The following LHX2 variants were observed in gnomAD, a reference collection of about 807,000 sequenced individuals.
LHX2 encodes the protein LIM/homeobox protein Lhx2.
A neutral mutation model predicts 33.0 loss-of-function variants in LHX2; 6 were observed. The observed-to-expected ratio is 0.18, with a 90% CI of 0.10 to 0.36. The LOEUF (loss-of-function observed/expected upper bound fraction) is 0.36. Among genes scored for constraint, LHX2 ranks in the 10% least tolerant of loss-of-function variants. The probability of loss-of-function intolerance (pLI) is 1.00; values close to 1 mark genes in which losing one functional copy is unlikely to be tolerated. For synonymous variants in LHX2, 292 were observed against 253.1 expected, an observed-to-expected ratio of 1.15 and a Z score of -1.46; for missense variants, 442 against 586.2, an observed-to-expected ratio of 0.75 and a Z score of 2.54.
rs1324987801 is a variant in LHX2, at chr9:124,012,407, G to A, written c.59G>A (p.Arg20His). ...EVHGVIDEMD[R>H]RAKSEAPAIS... ...CACGGGGTCATCGACGAGATGGACCGCAGGGCCAAGAGCGAGGCTCCCGCC... is the reference window on the plus strand; with the variant it reads ...CACGGGGTCATCGACGAGATGGACCACAGGGCCAAGAGCGAGGCTCCCGCC... Residue 20 changes from arginine (R) to histidine (H), a missense_variant, in exon 1 of 5, where the codon CGC (arginine) becomes CAC (histidine). Around this residue, in one of 5 missense-constraint regions of LHX2, gnomAD observed 97 missense variants for 81.5 expected, o/e 1.19. Transcript: ENST00000373615. This position sits in a 1 kb window ranked among gnomAD's most constrained non-coding sequence, Gnocchi z 4.3. 1 of 1,534,446 alleles carries A rather than the reference G, an allele frequency of 6.5e-7. No homozygotes were observed. The highest frequency in any genetic ancestry group is 8.7e-7 in the Non-Finnish European group (1 of 1,145,788).
chr9:124,014,290 C>T lies in LHX2; in HGVS notation c.323+127C>T, dbSNP rs1859147622. 3.2e-6 allele frequency: 2 copies of T among 625,620 alleles called. No homozygotes were observed. The highest frequency in any genetic ancestry group is 6.0e-6 in the Non-Finnish European group (2 of 335,588). 38.8% of individuals were successfully genotyped at this position (625,620 alleles called of 1,614,324 possible). On this transcript the variant is annotated intron_variant, in intron 2 of 4. Transcript: ENST00000373615. The surrounding 1 kb of genome is among the most constrained non-coding windows in gnomAD (Gnocchi z 4.8). The stretch of plus-strand genomic sequence containing the variant: ...TCACTACTCAGGACTCCCCCGCTCC[C>T]CCCCCAAGTTCTCCAAGCCACCACA...
chr9:124,027,817 CAAA>C (rs1276253267), intron 4 of LHX2, among the ~76,000 whole-genome samples: 1 of 148,626 alleles, frequency 6.7e-6, no homozygotes, highest in African/African-American at 2.5e-5. Flanking sequence ...GACTTCATCT[CAAA>C]AAAAAAGATG....
chr9:124,021,056 C>T (rs1564550434), intron 3 of LHX2, 43 bp from the exon 4 acceptor site: 3 of 1,575,396 alleles, frequency 1.9e-6, no homozygotes, highest in East Asian at 2.2e-5. Context: ...GCATGGGGGG[C>T]GGGTCAGGAA....
intron 3 of LHX2, among the ~76,000 whole-genome samples, chr9:124,019,242 A>G (rs144301652): frequency 0.016 from 2,472 of 152,268 alleles, 32 homozygotes; most frequent in African/African-American, 0.041. Context: ...TAGGAGGTGT[A>G]GCCCCTAGCT....
Position 124,015,498 on chromosome 9 carries a change from G to C in LHX2, c.700G>C (p.Gly234Arg). 6.8e-7 allele frequency: 1 copy of C among 1,473,252 alleles called. No homozygotes were observed. Among genetic ancestry groups the C allele is most frequent in the Non-Finnish European group, 9.0e-7 (1 of 1,112,282 alleles). 91.3% of individuals were successfully genotyped at this position (1,473,252 alleles called of 1,614,324 possible). ...GAGGAAACGTAAGAGCCCGGGCCCC[G>C]GTGCGGATCTGGCGGCCTACAACGC... is the stretch of plus-strand genomic sequence containing the variant. ...RPRKRKSPGP[G>R]ADLAAYNAAL... Residue 234 changes from glycine (G) to arginine (R), a missense_variant, in exon 3 of 5, where the codon GGT becomes CGT. Around this residue, in one of 5 missense-constraint regions of LHX2, gnomAD observed 132 missense variants for 139.1 expected, o/e 0.95. Transcript: ENST00000373615. The surrounding 1 kb of genome is among the most constrained non-coding windows in gnomAD (Gnocchi z 7.9).
intron 3 of LHX2, among the ~76,000 whole-genome samples, chr9:124,018,796 C>T (rs979641346): frequency 3.3e-5 from 5 of 152,196 alleles, no homozygotes; most frequent in African/African-American, 1.2e-4. Context: ...TCCCTACCCC[C>T]TCTCTCTTTC....
chr9:124,026,552 G>A (rs1378901115), intron 4 of LHX2, among the ~76,000 whole-genome samples: 2 of 151,978 alleles, frequency 1.3e-5, no homozygotes, highest in African/African-American at 4.8e-5. Flanking sequence ...CAATTGACAA[G>A]GTGCCAAGAT....
At chr9:124,019,949 C>A (rs961636836) in intron 3 of LHX2, among the ~76,000 whole-genome samples, 4 of 152,184 alleles carry the variant, frequency 2.6e-5, no homozygotes, top group Non-Finnish European at 5.9e-5. Context: ...CACCCATATT[C>A]CCCACCCCCA....
chr9:124,015,026 G>A lies in LHX2; in HGVS notation c.324-96G>A, dbSNP rs917447339. ...AGGCCGGGTTGTTCGTCTTGAGGAG[G>A]GGATTGCCCCCCGCAGCAGCAGCGG... On this transcript the variant is annotated intron_variant, in intron 2 of 4. Coordinates refer to ENST00000373615, the MANE Select transcript of LHX2 (RefSeq NM_004789.4). This position sits in a 1 kb window ranked among gnomAD's most constrained non-coding sequence, Gnocchi z 7.9. The A allele has an allele frequency of 3.5e-6, 5 of 1,424,142 alleles. No homozygotes were observed. In the South Asian group the frequency reaches 5.1e-5, roughly 14 times the overall value. 88.2% of individuals were successfully genotyped at this position (1,424,142 alleles called of 1,614,324 possible).
In LHX2 at chr9:124,012,813, C is replaced by T. The variant is rs111292833; in HGVS notation, c.120+345C>T. Among the ~76,000 whole-genome samples the T allele has an allele frequency of 2.6e-5, 4 of 152,318 alleles. No individual in the cohort carries two copies. The highest frequency in any genetic ancestry group is 9.6e-5 in the African/African-American group (4 of 41,584). ...CGCGCTCTCCTCCACCTCTCGGCTC[C>T]GGTTGCTGGCGGCGCCGCGAGCGGC... On this transcript the variant is annotated intron_variant, in intron 1 of 4. Coordinates refer to ENST00000373615, the MANE Select transcript of LHX2 (RefSeq NM_004789.4). The surrounding 1 kb of genome is among the most constrained non-coding windows in gnomAD (Gnocchi z 4.3).
intron 4 of LHX2, among the ~76,000 whole-genome samples, chr9:124,023,502 G>T (rs529948437): frequency 6.6e-6 from 1 of 152,280 alleles, no homozygotes; most frequent in Admixed American, 6.5e-5. Flanking sequence ...GGGTTCACTG[G>T]CTGTGTGTCT....
chr9:124,020,993 A>G, intron 3 of LHX2, 106 bp from the exon 4 acceptor site: 2 of 963,080 alleles, frequency 2.1e-6, no homozygotes, highest in Non-Finnish European at 3.2e-6. Flanking sequence ...GCAGACATGC[A>G]GCAGGGTTAA....
intron 4 of LHX2, among the ~76,000 whole-genome samples, chr9:124,024,592 C>A (rs942572650): frequency 6.6e-6 from 1 of 152,150 alleles, no homozygotes; most frequent in Admixed American, 6.6e-5. Flanking sequence ...GGTGGTTGCA[C>A]GGAGTAAATA....
chr9:124,030,638 T>C (rs1313066474), intron 4 of LHX2, among the ~76,000 whole-genome samples: 5 of 146,248 alleles, frequency 3.4e-5, no homozygotes, highest in Non-Finnish European at 6.0e-5. Flanking sequence ...TTTTTTTTTT[T>C]TTTTTTTTTT....
chr9:124,015,965 G>A lies in LHX2; in HGVS notation c.727+440G>A, dbSNP rs1158059136. Among the ~76,000 whole-genome samples the A allele has an allele frequency of 6.6e-6, 1 of 152,252 alleles. No individual in the cohort carries two copies. Among genetic ancestry groups the A allele is most frequent in the African/African-American group, 2.4e-5 (1 of 41,470 alleles). On this transcript the variant is annotated intron_variant, in intron 3 of 4. Transcript: ENST00000373615. This position sits in a 1 kb window ranked among gnomAD's most constrained non-coding sequence, Gnocchi z 7.9. ...GAGAAAGGGCTGGCTGTGGCCCGGG[G>A]CGCCGAGCTCGGCCTGGAGTGCGGC...
chr9:124,018,462 C>T (rs992659168), intron 3 of LHX2, among the ~76,000 whole-genome samples: 10 of 152,084 alleles, frequency 6.6e-5, no homozygotes, highest in African/African-American at 2.4e-4. Context: ...CTGCCCTTGC[C>T]TCTGGCCGGC....
chr9:124,020,831 G>T (rs905641390), intron 3 of LHX2, among the ~76,000 whole-genome samples: 1 of 152,070 alleles, frequency 6.6e-6, no homozygotes, highest in Non-Finnish European at 1.5e-5. Flanking sequence ...TGTTCTTATT[G>T]TAACATAATG....
At position 124,014,253 on chromosome 9, in the gene LHX2, C is replaced by T. The variant is rs1022600736; in HGVS notation, c.323+90C>T. ...TTGGCCCTCTCCTTTCCGTTTAGTC[C>T]CAGGAGAGGGTTCACTACTCAGGAC... On this transcript the variant is annotated intron_variant, in intron 2 of 4. Coordinates refer to ENST00000373615, the MANE Select transcript of LHX2 (RefSeq NM_004789.4). This position sits in a 1 kb window ranked among gnomAD's most constrained non-coding sequence, Gnocchi z 4.8. 10 of 818,078 alleles carry T rather than the reference C, an allele frequency of 1.2e-5. No individual in the cohort carries two copies. The African/African-American group carries it at 1.6e-4, about 13-fold the overall frequency. The allele number at this position is 818,078 out of a possible 1,614,324, so 50.7% of individuals were successfully genotyped here.
chr9:124,017,281 C>T (rs1257433378), intron 3 of LHX2, among the ~76,000 whole-genome samples: 2 of 152,204 alleles, frequency 1.3e-5, no homozygotes, highest in African/African-American at 4.8e-5. Flanking sequence ...GCCCTCCTCT[C>T]CGACCTTGGC....
Sources: allele counts gnomAD v4.1 joint callset (sites outside exome capture counted in the v4.1 genomes callset), GRCh38; gene constraint gnomAD v4.1.1; regional missense constraint gnomAD v4.1.1; non-coding constraint Gnocchi (gnomAD v3.1); transcripts MANE v1.5; gene names NCBI Gene and HGNC (gene_info 2026-07-23, HGNC 2026-07-21).